Variants in NOX4 observed in about 807,000 individuals in gnomAD.
The protein encoded by NOX4 is NADPH oxidase 4, also known as kidney oxidase-1.
NOX4 carries 69 observed loss-of-function variants against 87.6 expected under a neutral mutation model. The ratio of observed to expected loss-of-function variants is 0.79; its 90% CI spans 0.65 to 0.96. NOX4 has a LOEUF of 0.96. NOX4 is among the 40% of genes least tolerant of loss of function. NOX4 has a pLI of 0.00. For synonymous variants in NOX4, 275 were observed against 238.2 expected (o/e 1.15, Z -1.42); for missense variants, 680 against 681.5 (o/e 1.00, Z 0.02).
rs1439240199 is a variant in NOX4 at position 89,451,795 on chromosome 11, C to G, written c.254G>C (p.Gly85Ala). 6.2e-7 allele frequency: 1 copy of G among 1,610,554 alleles called. No individual in the cohort carries two copies. Among genetic ancestry groups the G allele is most frequent in the Admixed American group, 1.7e-5 (1 of 59,932 alleles). ...ACTGTTTTTTCTTACCTTCTGTGAT[C>G]CTCGGAGGTAAGCCAAGAGTGTTCG... ...MCRTLLAYLR[G>A]SQKVPSRRTR... Residue 85 changes from glycine (G) to alanine (A), a missense_variant, in exon 3 of 18, where the codon GGA becomes GCA. Coordinates refer to ENST00000263317, the MANE Select transcript of NOX4 (RefSeq NM_016931.5).
At chr11:89,375,891 G>C (rs1300060587) in intron 11 of NOX4, among the ~76,000 whole-genome samples, 2 of 152,166 alleles carry the variant, frequency 1.3e-5, no homozygotes, top group African/African-American at 4.8e-5. Flanking sequence ...AGAATGGAAG[G>C]CAAAGAATGT....
At chr11:89,450,408 G>C (rs111574934) in intron 3 of NOX4, among the ~76,000 whole-genome samples, 82 of 152,212 alleles carry the variant, frequency 5.4e-4, no homozygotes, top group African/African-American at 1.8e-3. Flanking sequence ...GCTTTGCTTA[G>C]TGAATCTTAG....
upstream of NOX4, among the ~76,000 whole-genome samples, chr11:89,501,708 A>G (rs1947022670): frequency 1.3e-5 from 2 of 152,160 alleles, no homozygotes; most frequent in Admixed American, 6.6e-5. Flanking sequence ...TGGACAGTGG[A>G]TGAAGAAGAA....
chr11:89,540,597 C>T, the NOX4 span, among the ~76,000 whole-genome samples: 1 of 151,642 alleles, frequency 6.6e-6, no homozygotes, highest in East Asian at 1.9e-4. Flanking sequence ...ACCATCCTGG[C>T]TAACACGGTG....
chr11:89,411,513 A>C (rs1270097778), intron 8 of NOX4, among the ~76,000 whole-genome samples: 1 of 152,110 alleles, frequency 6.6e-6, no homozygotes, highest in Non-Finnish European at 1.5e-5. Context: ...TAAAAGTCCC[A>C]AGCCTGGAAG....
At chr11:89,349,253 C>T (rs761729761) in intron 13 of NOX4, among the ~76,000 whole-genome samples, 7 of 151,666 alleles carry the variant, frequency 4.6e-5, no homozygotes, top group African/African-American at 7.3e-5. Context: ...CACCACTGCA[C>T]GCCAGCCTAG....
In NOX4 at chr11:89,335,905, A is replaced by C. The variant is rs778071456; in HGVS notation, c.1556T>G (p.Leu519Arg). ...TTTCCACCGAGGACGTCCTATAAAC[A>C]GTCTTGAATTCAGTGCATGATATTT... ...GEKYHALNSR[L>R]FIGRPRWKLL... Residue 519 changes from leucine to arginine, a missense_variant, in exon 17 of 18, where the codon CTG (leucine) becomes CGG (arginine). By Grantham distance (102) the Leu-to-Arg change is moderately radical (BLOSUM62 -2). Transcript: ENST00000263317. 1.4e-5 allele frequency: 22 copies of C among 1,601,258 alleles called. No individual in the cohort carries two copies. Among genetic ancestry groups the C allele is most frequent in the Non-Finnish European group, 1.6e-5 (19 of 1,173,868 alleles).
At chr11:89,509,807 G>T in the NOX4 span, among the ~76,000 whole-genome samples, 2 of 151,940 alleles carry the variant, frequency 1.3e-5, no homozygotes, top group Non-Finnish European at 2.9e-5. Flanking sequence ...ACTAAAACAC[G>T]ATGTGTCCGT....
intron 1 of NOX4, among the ~76,000 whole-genome samples, chr11:89,497,517 T>G (rs1316430395): frequency 6.6e-6 from 1 of 152,188 alleles, no homozygotes. Context: ...TGGAAGAGGC[T>G]TTGGAAAGCA....
At chr11:89,334,941 T>C (rs1432316356) in intron 17 of NOX4, among the ~76,000 whole-genome samples, 1 of 151,706 alleles carries the variant, frequency 6.6e-6, no homozygotes. Context: ...AAAAGAATGA[T>C]GTAAAACATC....
At chr11:89,404,373 C>T (rs927078086) in intron 8 of NOX4, among the ~76,000 whole-genome samples, 19 of 152,112 alleles carry the variant, frequency 1.2e-4, no homozygotes, top group African/African-American at 4.6e-4. Flanking sequence ...TCCAATGGTT[C>T]TTCAGACTTC....
At chr11:89,429,586 AC>A (rs1311075736) in intron 7 of NOX4, among the ~76,000 whole-genome samples, 1 of 152,220 alleles carries the variant, frequency 6.6e-6, no homozygotes, top group Non-Finnish European at 1.5e-5. Flanking sequence ...AAACACCTCT[AC>A]GCAAATAAAC....
the NOX4 span, among the ~76,000 whole-genome samples, chr11:89,572,977 A>G: frequency 6.6e-6 from 1 of 151,774 alleles, no homozygotes; most frequent in Non-Finnish European, 1.5e-5. Flanking sequence ...TTTTCCCCCA[A>G]ATTAACTCAG....
the NOX4 span, chr11:89,548,586 C>T: frequency 6.6e-6 from 1 of 152,152 alleles, no homozygotes; most frequent in East Asian, 1.9e-4. Context: ...TACTGGGACC[C>T]TCAAAATGAG....
At chr11:89,529,777 G>T in the NOX4 span, among the ~76,000 whole-genome samples, 1 of 152,174 alleles carries the variant, frequency 6.6e-6, no homozygotes, top group African/African-American at 2.4e-5. Context: ...ACACTGGAAA[G>T]CTTTCACTGG....
At chr11:89,331,860 G>C (rs970530433) in intron 17 of NOX4, among the ~76,000 whole-genome samples, 1 of 150,476 alleles carries the variant, frequency 6.6e-6, no homozygotes, top group African/African-American at 2.4e-5. Context: ...GTGTGTGTGC[G>C]ATTTGAGGAT....
the NOX4 span, chr11:89,548,651 C>T: frequency 6.6e-6 from 1 of 152,146 alleles, no homozygotes; most frequent in Non-Finnish European, 1.5e-5. Flanking sequence ...AGATATTTGA[C>T]TTCCTGTCTA....
At chr11:89,458,471 T>G (rs2135407864) in intron 2 of NOX4, among the ~76,000 whole-genome samples, 1 of 152,202 alleles carries the variant, frequency 6.6e-6, no homozygotes, top group Admixed American at 6.5e-5. Flanking sequence ...TAAGATCTAA[T>G]TAAACTAAGT....
chr11:89,344,738 T>C (rs1946142299), intron 13 of NOX4, among the ~76,000 whole-genome samples: 1 of 152,180 alleles, frequency 6.6e-6, no homozygotes, highest in African/African-American at 2.4e-5. Context: ...TTTTGTTGCA[T>C]TGGGAACTAA....
Sources: allele counts gnomAD v4.1 joint callset (sites outside exome capture counted in the v4.1 genomes callset), GRCh38; gene constraint gnomAD v4.1.1; transcripts MANE v1.5; gene names NCBI Gene and HGNC (gene_info 2026-07-23, HGNC 2026-07-21).